Variants in KCNC2 observed in about 807,000 individuals in gnomAD.
KCNC2 encodes the protein voltage-gated potassium channel KCNC2.
Under a neutral mutation model 44.5 loss-of-function variants are expected in KCNC2, and 21 were observed. The observed-to-expected ratio is 0.47, with a 90% confidence interval of 0.33 to 0.68. The LOEUF (loss-of-function observed/expected upper bound fraction) is 0.68. KCNC2 is among the 30% of genes least tolerant of loss of function. KCNC2 has a pLI of 0.01. For missense variants in KCNC2, 589 were observed against 826.2 expected, an observed-to-expected ratio of 0.71 and a Z score of 3.52; for synonymous variants, 391 against 339.1, an observed-to-expected ratio of 1.15 and a Z score of -1.68.
chr12:75,126,278 A>G (rs907901465), intron 2 of KCNC2, among the ~76,000 whole-genome samples: 1 of 152,320 alleles, frequency 6.6e-6, no homozygotes, highest in East Asian at 1.9e-4. Flanking sequence ...TGCATTTTTA[A>G]AAAGAATAAC....
chr12:75,062,078 T>C (rs1882401459), intron 2 of KCNC2, among the ~76,000 whole-genome samples: 1 of 152,104 alleles, frequency 6.6e-6, no homozygotes. Context: ...AGTGAATTCA[T>C]CTGTCCTAAA....
chr12:75,079,844 T>C (rs995299114), intron 2 of KCNC2, among the ~76,000 whole-genome samples: 3 of 152,170 alleles, frequency 2.0e-5, no homozygotes, highest in Non-Finnish European at 2.9e-5. Context: ...ACAAAAAAGA[T>C]AGCATGTCTC....
Position 75,207,694 on chromosome 12 carries a change from C to A in KCNC2, c.290G>T (p.Gly97Val). The A allele has an allele frequency of 6.3e-7, 1 of 1,595,910 alleles. No homozygotes were observed. The highest frequency in any genetic ancestry group is 8.5e-7 in the Non-Finnish European group (1 of 1,172,142). ...SRGGRASDHP[G>V]GGREFFFDRH... ...GTCGAAGAAGAACTCGCGGCCGCCA[C>A]CGGGATGGTCGCTGGCCCTGCCGCC... Residue 97 changes from glycine to valine, a missense_variant, in exon 2 of 5, where the codon GGT becomes GTT. Transcript: ENST00000549446. This position sits in a 1 kb window ranked among gnomAD's most constrained non-coding sequence, Gnocchi z 4.1.
At chr12:75,096,038 A>G (rs1289164220) in intron 2 of KCNC2, among the ~76,000 whole-genome samples, 4 of 151,932 alleles carry the variant, frequency 2.6e-5, no homozygotes, top group African/African-American at 9.6e-5. Context: ...GTGACCCTCC[A>G]AAATTCAGCT....
At chr12:75,086,681 A>AAATATATATAT (rs1206456289) in intron 2 of KCNC2, among the ~76,000 whole-genome samples, 14 of 54,200 alleles carry the variant, frequency 2.6e-4, no homozygotes, top group African/African-American at 6.3e-4. Context: ...AAAAAAAAAA[A>AAATATATATAT]ATATATATAT....
At chr12:75,178,165 C>T (rs1003195520) in intron 2 of KCNC2, among the ~76,000 whole-genome samples, 3 of 151,968 alleles carry the variant, frequency 2.0e-5, no homozygotes, top group African/African-American at 7.2e-5. Context: ...AGTCAAGAGA[C>T]TCTTCTACTT....
At chr12:75,102,527 A>G (rs189158564) in intron 2 of KCNC2, among the ~76,000 whole-genome samples, 164 of 152,228 alleles carry the variant, frequency 1.1e-3, no homozygotes, top group African/African-American at 3.3e-3. Context: ...TGTTATCTGC[A>G]TATTTATTTA....
chr12:75,104,953 C>G (rs1886661689), intron 2 of KCNC2, among the ~76,000 whole-genome samples: 1 of 152,060 alleles, frequency 6.6e-6, no homozygotes, highest in Non-Finnish European at 1.5e-5. Context: ...TTTTTAGTAT[C>G]TCCCATGTTA....
chr12:75,110,777 T>A (rs1380096667), intron 2 of KCNC2, among the ~76,000 whole-genome samples: 1 of 151,996 alleles, frequency 6.6e-6, no homozygotes. Context: ...ACATATATAT[T>A]AAAGTTATAA....
chr12:75,109,708 A>G (rs1887072640), intron 2 of KCNC2, among the ~76,000 whole-genome samples: 2 of 152,046 alleles, frequency 1.3e-5, no homozygotes, highest in South Asian at 4.1e-4. Flanking sequence ...ACAGGACCCT[A>G]AAACCCTGAA....
At chr12:75,157,110 T>C (rs1890813887) in intron 2 of KCNC2, among the ~76,000 whole-genome samples, 1 of 151,950 alleles carries the variant, frequency 6.6e-6, no homozygotes, top group Non-Finnish European at 1.5e-5. Flanking sequence ...ACATCAGTTT[T>C]GTTAGAAGCA....
At chr12:75,082,416 T>C (rs1324639280) in intron 2 of KCNC2, among the ~76,000 whole-genome samples, 2 of 151,836 alleles carry the variant, frequency 1.3e-5, no homozygotes, top group Non-Finnish European at 2.9e-5. Flanking sequence ...TTCAAAGATG[T>C]TTGTTATTCT....
chr12:75,167,319 T>C (rs1246217987), intron 2 of KCNC2, among the ~76,000 whole-genome samples: 1 of 151,342 alleles, frequency 6.6e-6, no homozygotes, highest in East Asian at 1.9e-4. Context: ...TATTTATTTT[T>C]TCATTTGTAA....
At chr12:75,111,838 C>A (rs1168676102) in intron 2 of KCNC2, among the ~76,000 whole-genome samples, 4 of 152,136 alleles carry the variant, frequency 2.6e-5, no homozygotes, top group African/African-American at 9.6e-5. Flanking sequence ...CACATATAAA[C>A]AGCTAACACA....
At chr12:75,146,926 G>A (rs1890067100) in intron 2 of KCNC2, among the ~76,000 whole-genome samples, 2 of 152,082 alleles carry the variant, frequency 1.3e-5, no homozygotes, top group Admixed American at 1.3e-4. Flanking sequence ...TGAGAAAAAT[G>A]AGAAAATAAA....
intron 2 of KCNC2, among the ~76,000 whole-genome samples, chr12:75,068,503 A>C (rs1592795574): frequency 6.6e-6 from 1 of 152,186 alleles, no homozygotes; most frequent in African/African-American, 2.4e-5. Flanking sequence ...ATAATTATTT[A>C]AGTAGGTTAA....
intron 2 of KCNC2, among the ~76,000 whole-genome samples, chr12:75,140,948 G>A (rs1007583318): frequency 2.6e-5 from 4 of 151,590 alleles, no homozygotes; most frequent in African/African-American, 9.7e-5. Context: ...TCTTCCATTA[G>A]CACCATTTAG....
intron 2 of KCNC2, among the ~76,000 whole-genome samples, chr12:75,204,514 T>A (rs1353294548): frequency 1.3e-5 from 2 of 152,040 alleles, no homozygotes; most frequent in Non-Finnish European, 2.9e-5. Context: ...AGAGTTAAAA[T>A]TTTTTGTGTC....
rs141186313 is a variant in KCNC2, at chr12:75,051,153, A to G, written c.852T>C (p.Tyr284=). Reference sequence around the variant, plus strand: ...ACCACACCACACACACTCCTTCTACATACGTCAAGGCAGGATCCGTTTCAA... The same window carrying G: ...ACCACACCACACACACTCCTTCTACGTACGTCAAGGCAGGATCCGTTTCAA... ...YEIETDPALT[Y]VEGVCVVWFT... The change falls in exon 3 of 5, where the codon TAT becomes TAC. Residue 284 remains tyrosine, a synonymous_variant. Transcript: ENST00000549446. The G allele has an allele frequency of 1.5e-4, 238 of 1,613,750 alleles. No individual in the cohort carries two copies. Among genetic ancestry groups the G allele is most frequent in the Non-Finnish European group, 2.0e-4 (234 of 1,179,826 alleles).
Sources: allele counts gnomAD v4.1 joint callset (sites outside exome capture counted in the v4.1 genomes callset), GRCh38; gene constraint gnomAD v4.1.1; non-coding constraint Gnocchi (gnomAD v3.1); transcripts MANE v1.5; gene names NCBI Gene and HGNC (gene_info 2026-07-23, HGNC 2026-07-21).